The following TNS1 variants were observed in gnomAD, a reference collection of about 807,000 sequenced individuals.
TNS1 encodes tensin-1.
TNS1 carries 62 observed loss-of-function variants against 168.6 expected under a neutral mutation model. The observed-to-expected ratio is 0.37, with a 90% confidence interval of 0.30 to 0.45. TNS1 has a LOEUF of 0.45. Ranked by LOEUF, TNS1 falls within the 20% of genes least tolerant of loss-of-function variation. TNS1 has a pLI of 1.00. For missense variants in TNS1, 2,240 were observed against 2,339.4 expected, an observed-to-expected ratio of 0.96 and a Z score of 0.88; for synonymous variants, 934 against 933.2, an observed-to-expected ratio of 1.00 and a Z score of -0.02.
rs3828279 is a variant in TNS1 at position 217,928,385 on chromosome 2, G to A, written c.187-8149C>T. 3.3e-5 allele frequency among the ~76,000 whole-genome samples: 5 copies of A among 152,280 alleles called. No individual in the cohort carries two copies. The East Asian group carries it at 5.8e-4, about 18-fold the overall frequency. On this transcript the variant is annotated intron_variant, in intron 3 of 32. Transcript: ENST00000682258. ...CCCCACCAGGCAGCTGGCCTTCACC[G>A]GGGCTTGCTCCAGCCTCTCCAGGCT... is the stretch of plus-strand genomic sequence containing the variant.
chr2:218,019,825 C>T (rs1261430689), intron 1 of TNS1, among the ~76,000 whole-genome samples: 2 of 152,074 alleles, frequency 1.3e-5, no homozygotes, highest in Non-Finnish European at 2.9e-5. Flanking sequence ...TGATACCTGC[C>T]CTCCCACCCT....
At position 217,861,086 on chromosome 2, in the gene TNS1, A is replaced by G. The variant is rs76979049; in HGVS notation, c.1430-11999T>C. Among the ~76,000 whole-genome samples, 1,249 of 152,308 alleles carry G rather than the reference A, an allele frequency of 8.2e-3. 17 individuals are homozygous for G. The highest frequency in any genetic ancestry group is 0.028 in the African/African-American group (1,172 of 41,562). On this transcript the variant is annotated intron_variant, in intron 18 of 32. Coordinates refer to ENST00000682258, the MANE Select transcript of TNS1 (RefSeq NM_001387777.1). ...GTCAGGTTTGGCAAAAACTGTTCCTAGCTGTACTCAAATTCTTCCAGGTAC... is the reference window on the plus strand; with the variant it reads ...GTCAGGTTTGGCAAAAACTGTTCCTGGCTGTACTCAAATTCTTCCAGGTAC...
chr2:217,906,274 A>G, intron 6 of TNS1, 61 bp downstream of exon 6: 2 of 388,350 alleles, frequency 5.1e-6, no homozygotes, highest in South Asian at 2.3e-5. Context: ...CTCCCACCCC[A>G]CCCCATTCCC....
At chr2:217,817,091 T>C (rs1036150959) in intron 24 of TNS1, among the ~76,000 whole-genome samples, 2 of 152,112 alleles carry the variant, frequency 1.3e-5, no homozygotes, top group African/African-American at 2.4e-5. Flanking sequence ...GGCAAAGGTA[T>C]GGAGATCCAG....
intron 19 of TNS1, among the ~76,000 whole-genome samples, chr2:217,840,995 G>T (rs1945873782): frequency 6.6e-6 from 1 of 152,180 alleles, no homozygotes; most frequent in African/African-American, 2.4e-5. Flanking sequence ...CAGAAGAGAG[G>T]ATAGTGAGAA....
intron 19 of TNS1, among the ~76,000 whole-genome samples, chr2:217,841,811 C>T (rs930952552): frequency 6.6e-6 from 1 of 152,188 alleles, no homozygotes; most frequent in Admixed American, 6.5e-5. Flanking sequence ...GGCTCCTTAC[C>T]ACAGCCATCT....
At chr2:218,009,477 ACC>A (rs1397403918) in intron 1 of TNS1, among the ~76,000 whole-genome samples, 3 of 151,390 alleles carry the variant, frequency 2.0e-5, no homozygotes, top group African/African-American at 7.3e-5. Context: ...GGACACGCCC[ACC>A]CACAGCACTG....
intron 18 of TNS1, among the ~76,000 whole-genome samples, chr2:217,853,192 GA>G (rs1335234527): frequency 6.6e-6 from 1 of 152,210 alleles, no homozygotes; most frequent in Non-Finnish European, 1.5e-5. Context: ...ATCAAGGCAG[GA>G]AGGGCAAAAG....
At chr2:217,903,013 T>A (rs186264786) in intron 6 of TNS1, among the ~76,000 whole-genome samples, 67 of 152,274 alleles carry the variant, frequency 4.4e-4, no homozygotes, top group African/African-American at 1.6e-3. Context: ...CACACCCTAC[T>A]GCTCCAGAAA....
At position 217,848,458 on chromosome 2, in the gene TNS1, C is replaced by T. The variant is rs1559229378; in HGVS notation, c.2059G>A (p.Glu687Lys). Residue 687 changes from glutamate to lysine, a missense_variant, in exon 19 of 33, where the codon GAG becomes AAG. This residue lies in a region of TNS1 where 2,131 missense variants were observed against 2,171.2 expected (regional missense o/e 0.98). Coordinates refer to ENST00000682258, the MANE Select transcript of TNS1 (RefSeq NM_001387777.1). ...GCAGGCCCCGCCCGGCTGGCAGACT[C>T]GTAGGGGTAGCCTCCTCCATTGACC... is the stretch of plus-strand genomic sequence containing the variant. ...PMVNGGGYPY[E>K]SASRAGPAHA... 4.3e-6 allele frequency: 7 copies of T among 1,612,860 alleles called. No individual in the cohort carries two copies. Among genetic ancestry groups the T allele is most frequent in the Non-Finnish European group, 5.1e-6 (6 of 1,179,202 alleles).
intron 2 of TNS1, chr2:217,979,077 C>G (rs1023203043): frequency 1.4e-5 from 6 of 429,900 alleles, no homozygotes; most frequent in African/African-American, 1.0e-4. Flanking sequence ...GTGGGGGGAG[C>G]AAAGGGGGGG....
intron 18 of TNS1, among the ~76,000 whole-genome samples, chr2:217,872,561 G>C (rs180802821): frequency 2.3e-3 from 346 of 152,342 alleles, no homozygotes; most frequent in Admixed American, 3.7e-3. Context: ...AAATAAATGT[G>C]GGTGAGGATG....
At position 217,813,978 on chromosome 2, in the gene TNS1, G is replaced by A. The variant is rs556477127; in HGVS notation, c.4730-162C>T. On this transcript the variant is annotated intron_variant, in intron 25 of 32. Coordinates refer to ENST00000682258, the MANE Select transcript of TNS1 (RefSeq NM_001387777.1). This position sits in a 1 kb window ranked among gnomAD's most constrained non-coding sequence, Gnocchi z 4.0. ...CTCCTACGGGTCTTCCTGTACTCAG[G>A]TTGGCAAACTTATTCTGTTGGGTTT... 41 of 791,820 alleles carry A rather than the reference G, an allele frequency of 5.2e-5. No individual in the cohort carries two copies. The highest frequency in any genetic ancestry group is 7.0e-5 in the Non-Finnish European group (39 of 557,428). 49.0% of individuals were successfully genotyped at this position (791,820 alleles called of 1,614,324 possible). A position where few individuals can be genotyped will look rare whatever the true frequency, so the allele number is the denominator to read the frequency against.
At position 217,818,515 on chromosome 2, in the gene TNS1, C is replaced by A; in HGVS notation, c.3817G>T (p.Ala1273Ser). The A allele has an allele frequency of 6.2e-7, 1 of 1,614,244 alleles. No individual in the cohort carries two copies. Among genetic ancestry groups the A allele is most frequent in the Non-Finnish European group, 8.5e-7 (1 of 1,180,046 alleles). The change falls in exon 24 of 33, where the codon GCT becomes TCT. Residue 1273 changes from alanine to serine, a missense_variant. Physicochemically the swap from Ala to Ser is moderately conservative, Grantham distance 99. Around this residue, in one of 2 missense-constraint regions of TNS1, gnomAD observed 2,131 missense variants for 2,171.2 expected, o/e 0.98. Transcript: ENST00000682258. ...ESQARAQFSVAGVHTVPGSPQ... is the reference protein window; with the variant it reads ...ESQARAQFSVSGVHTVPGSPQ... The stretch of plus-strand genomic sequence containing the variant: ...CTCCCAGGCACCGTGTGGACGCCAG[C>A]CACACTGAACTGAGCTCGAGCCTGG...
At position 217,814,952 on chromosome 2, in the gene TNS1, A is replaced by G. The variant is rs202050010; in HGVS notation, c.4689T>C (p.Thr1563=). The G allele has an allele frequency of 9.2e-5, 149 of 1,613,706 alleles. No individual in the cohort carries two copies. The highest frequency in any genetic ancestry group is 1.7e-4 in the Admixed American group (10 of 59,978). Residue 1563 remains threonine, a synonymous_variant, in exon 25 of 33, where the codon ACT becomes ACC. Transcript: ENST00000682258. The stretch of plus-strand genomic sequence containing the variant: ...TCTCAGGCTTGTACCAATACTTAGA[A>G]GTGTCCTGGACAAACTTCACTTTAG... ...TRAKVKFVQD[T]SKYWYKPEIS...
intron 4 of TNS1, among the ~76,000 whole-genome samples, chr2:217,918,391 C>G (rs753857852): frequency 6.6e-6 from 1 of 152,188 alleles, no homozygotes; most frequent in African/African-American, 2.4e-5. Flanking sequence ...CTGGGAGCAC[C>G]GTCTGGTGAC....
intron 19 of TNS1, among the ~76,000 whole-genome samples, chr2:217,838,613 AGCACCAATGGCCCCATG>A (rs1330555225): frequency 1.3e-5 from 2 of 152,066 alleles, no homozygotes; most frequent in Non-Finnish European, 2.9e-5. Flanking sequence ...TCCCCTGCAG[AGCACCAATGGCCCCATG>A]GCACCAATGG....
intron 18 of TNS1, chr2:217,859,355 C>T: frequency 2.4e-6 from 1 of 408,880 alleles, no homozygotes; most frequent in Non-Finnish European, 4.3e-6. Context: ...TCTTTTTTTC[C>T]CTCTCTCTCC....
chr2:217,948,465 T>C lies in TNS1; in HGVS notation c.187-28229A>G, dbSNP rs139241798. ...ATCCTGCTAGGCCCAACACACCCCA[T>C]AGGGAGCCAGGCCCCAGGGGCCACT... On this transcript the variant is annotated intron_variant, in intron 3 of 32. Coordinates refer to ENST00000682258, the MANE Select transcript of TNS1 (RefSeq NM_001387777.1). The surrounding 1 kb of genome is among the most constrained non-coding windows in gnomAD (Gnocchi z 4.1). Among the ~76,000 whole-genome samples, 305 of 152,186 alleles carry C rather than the reference T, an allele frequency of 2.0e-3. 4 individuals are homozygous for C. Among genetic ancestry groups the C allele is most frequent in the Admixed American group, 0.014 (212 of 15,286 alleles).
Sources: gnomAD v4.1 joint callset for allele counts (sites outside exome capture counted in the v4.1 genomes callset) on GRCh38, gnomAD v4.1.1 for gene constraint, gnomAD v4.1.1 regional missense constraint, Gnocchi (gnomAD v3.1) non-coding constraint, MANE v1.5 for transcripts, NCBI Gene and HGNC (gene_info 2026-07-23, HGNC 2026-07-21) for gene names.